The following ALKBH5 variants were observed in gnomAD, a reference collection of about 807,000 sequenced individuals.
ALKBH5 encodes RNA demethylase ALKBH5.
In ALKBH5, 2 loss-of-function variants were observed where a neutral mutation model predicts 32.1. The ratio of observed to expected loss-of-function variants is 0.06; its 90% CI spans 0.03 to 0.20. The LOEUF (loss-of-function observed/expected upper bound fraction) is 0.20, where lower values mean the gene tolerates loss of function less well. Ranked by LOEUF, ALKBH5 falls within the 10% of genes least tolerant of loss-of-function variation. The pLI is 1.00. For missense variants in ALKBH5, 352 were observed against 559.5 expected, an observed-to-expected ratio of 0.63 and a Z score of 3.74; for synonymous variants, 300 against 231.7, an observed-to-expected ratio of 1.29 and a Z score of -2.68.
intron 1 of ALKBH5, among the ~76,000 whole-genome samples, chr17:18,187,692 A>C (rs550512007): frequency 4.6e-5 from 7 of 152,138 alleles, no homozygotes; most frequent in Admixed American, 4.6e-4. Flanking sequence ...ACACCTGCCT[A>C]TTAGTAGTGC....
At chr17:18,204,579 T>C (rs1261324545) in intron 2 of ALKBH5, among the ~76,000 whole-genome samples, 2 of 151,866 alleles carry the variant, frequency 1.3e-5, no homozygotes, top group Non-Finnish European at 2.9e-5. Context: ...CTGGCTAACA[T>C]GGTGAAATGC....
rs1567678341 is a variant in ALKBH5, at chr17:18,208,880, G to T, written c.*484G>T. 8.0e-6 allele frequency: 2 copies of T among 248,502 alleles called. No individual in the cohort carries two copies. Among genetic ancestry groups the T allele is most frequent in the Non-Finnish European group, 1.6e-5 (2 of 125,430 alleles). 15.4% of individuals were successfully genotyped at this position (248,502 alleles called of 1,614,324 possible). A position where few individuals can be genotyped will look rare whatever the true frequency, so the allele number is the denominator to read the frequency against. On this transcript the variant is annotated 3_prime_UTR_variant, in exon 4 of 4. Transcript: ENST00000399138. Reference sequence around the variant, plus strand: ...CTCCTGGAGCCTCACAGGCTCTGCTGTTCTCCACTTCTCACCTGCCATCCA... The same window carrying T: ...CTCCTGGAGCCTCACAGGCTCTGCTTTTCTCCACTTCTCACCTGCCATCCA...
In ALKBH5 at chr17:18,207,013, G is replaced by A. The variant is rs1054546778; in HGVS notation, c.1007+43G>A. ...CTCAGCAAAGGCTGGCAAAGGCCTG[G>A]CTGCAGGGTGAGAAGGGTGGAGAAG... On this transcript the variant is annotated intron_variant, in intron 3 of 3. Coordinates refer to ENST00000399138, the MANE Select transcript of ALKBH5 (RefSeq NM_017758.4). 1.9e-6 allele frequency: 3 copies of A among 1,602,800 alleles called. No homozygotes were observed. In the African/African-American group the frequency reaches 4.0e-5, roughly 21 times the overall value.
intron 1 of ALKBH5, among the ~76,000 whole-genome samples, chr17:18,188,613 G>A (rs1243540664): frequency 6.6e-6 from 1 of 152,250 alleles, no homozygotes; most frequent in East Asian, 1.9e-4. Context: ...GATGAAGTCA[G>A]GGCTGTGCAC....
At chr17:18,196,248 T>C (rs1284762252) in intron 2 of ALKBH5, among the ~76,000 whole-genome samples, 2 of 150,752 alleles carry the variant, frequency 1.3e-5, no homozygotes, top group African/African-American at 4.9e-5. Flanking sequence ...GGTCTCACTC[T>C]GTCGCCTAGG....
intron 2 of ALKBH5, among the ~76,000 whole-genome samples, chr17:18,201,582 AC>A (rs2047236314): frequency 6.6e-6 from 1 of 151,926 alleles, no homozygotes; most frequent in Non-Finnish European, 1.5e-5. Flanking sequence ...ACATGGTGAA[AC>A]CCCATCTCTA....
intron 2 of ALKBH5, among the ~76,000 whole-genome samples, chr17:18,196,401 G>A (rs1028655453): frequency 6.6e-6 from 1 of 151,904 alleles, no homozygotes; most frequent in African/African-American, 2.4e-5. Flanking sequence ...TTATTTTTTC[G>A]TACAGATGGG....
At chr17:18,191,027 C>G (rs2047171233) in intron 1 of ALKBH5, among the ~76,000 whole-genome samples, 1 of 152,200 alleles carries the variant, frequency 6.6e-6, no homozygotes, top group Non-Finnish European at 1.5e-5. Context: ...CTTCTCCTTT[C>G]CCTGTGAAAA....
rs753325585 is a variant in ALKBH5 at position 18,195,021 on chromosome 17, C to T, written c.837C>T (p.Val279=). 2 of 1,613,462 alleles carry T rather than the reference C, an allele frequency of 1.2e-6. No individual in the cohort carries two copies. The highest frequency in any genetic ancestry group is 3.3e-5 in the Admixed American group (2 of 59,994). Residue 279 remains valine, a synonymous_variant, in exon 2 of 4, where the codon GTC becomes GTT. Coordinates refer to ENST00000399138, the MANE Select transcript of ALKBH5 (RefSeq NM_017758.4). ...AGGACATCAAGGAGCGCCGAGCAGT[C>T]ATCATCCTCAGGAAGTAAGTGCCTT... ...RPQDIKERRA[V]IILRKTRLDA...
chr17:18,184,127 T>G lies in ALKBH5; in HGVS notation c.-117T>G. 1.1e-6 allele frequency: 1 copy of G among 928,712 alleles called. No homozygotes were observed. The highest frequency in any genetic ancestry group is 1.6e-6 in the Non-Finnish European group (1 of 617,706). The allele number at this position is 928,712 out of a possible 1,614,324, so 57.5% of individuals were successfully genotyped here. On this transcript the variant is annotated 5_prime_UTR_variant, in exon 1 of 4. It removes an upstream start codon present in the reference 5' UTR. Transcript: ENST00000399138. The stretch of plus-strand genomic sequence containing the variant: ...CCCCGCCGGGTCCCCCACTCACGCA[T>G]GGGGGTTCGGCGCTAAGGACCCCCC...
Position 18,206,973 on chromosome 17 carries a change from A to T in ALKBH5, c.1007+3A>T. 6.2e-7 allele frequency: 1 copy of T among 1,614,030 alleles called. No homozygotes were observed. The highest frequency in any genetic ancestry group is 8.5e-7 in the Non-Finnish European group (1 of 1,179,928). ...GCAGACCCTGATGCTGCCCACAGGT[A>T]CTCAGTTTAGGACCCTCAGCAAAGG... On this transcript the variant is annotated splice_donor_region_variant and intron_variant, in intron 3 of 3. Transcript: ENST00000399138.
intron 1 of ALKBH5, 36 bp from the exon 2 acceptor site, chr17:18,194,919 A>G (rs769093241): frequency 2.2e-5 from 36 of 1,604,156 alleles, no homozygotes; most frequent in South Asian, 6.6e-5. Flanking sequence ...TTGTCTGTCT[A>G]CTCTTCATGG....
intron 1 of ALKBH5, 112 bp downstream of exon 1, chr17:18,185,125 T>C: frequency 6.7e-7 from 1 of 1,488,172 alleles, no homozygotes; most frequent in Admixed American, 2.3e-5. Context: ...TCTGACCAGT[T>C]CTTCTGTTTG....
In ALKBH5 at chr17:18,184,128, G is replaced by A; in HGVS notation, c.-116G>A. On this transcript the variant is annotated 5_prime_UTR_variant, in exon 1 of 4. It removes an upstream start codon present in the reference 5' UTR. Coordinates refer to ENST00000399138, the MANE Select transcript of ALKBH5 (RefSeq NM_017758.4). Reference sequence around the variant, plus strand: ...CCCGCCGGGTCCCCCACTCACGCATGGGGGTTCGGCGCTAAGGACCCCCCT... The same window carrying A: ...CCCGCCGGGTCCCCCACTCACGCATAGGGGTTCGGCGCTAAGGACCCCCCT... The A allele has an allele frequency of 1.1e-6, 1 of 946,866 alleles. No homozygotes were observed. The highest frequency in any genetic ancestry group is 1.6e-6 in the Non-Finnish European group (1 of 634,320). The allele number at this position is 946,866 out of a possible 1,614,324, so 58.7% of individuals were successfully genotyped here.
Position 18,184,064 on chromosome 17 carries a change from C to T in ALKBH5, c.-180C>T. The T allele has an allele frequency of 2.9e-6, 2 of 683,782 alleles. No homozygotes were observed. The highest frequency in any genetic ancestry group is 3.0e-5 in the East Asian group (1 of 33,830). The allele number at this position is 683,782 out of a possible 1,614,324, so 42.4% of individuals were successfully genotyped here. A position where few individuals can be genotyped will look rare whatever the true frequency, so the allele number is the denominator to read the frequency against. On this transcript the variant is annotated 5_prime_UTR_variant, in exon 1 of 4. Coordinates refer to ENST00000399138, the MANE Select transcript of ALKBH5 (RefSeq NM_017758.4). ...GTCGCCACCGTTGCATGACCCGCCG[C>T]TCCTGAGGCCCTACCCCACGCCCGG...
chr17:18,207,061 C>A, intron 3 of ALKBH5, 91 bp downstream of exon 3: 2 of 1,489,278 alleles, frequency 1.3e-6, no homozygotes, highest in Non-Finnish European at 1.8e-6. Context: ...TGTTTAGGAG[C>A]CTTGGCTTGC....
At chr17:18,185,628 A>G (rs1347218884) in intron 1 of ALKBH5, among the ~76,000 whole-genome samples, 5 of 152,232 alleles carry the variant, frequency 3.3e-5, no homozygotes, top group African/African-American at 1.2e-4. Context: ...AGAGCCCATC[A>G]GTTCTTTGTA....
intron 2 of ALKBH5, among the ~76,000 whole-genome samples, chr17:18,204,215 G>A (rs979548134): frequency 1.3e-5 from 2 of 152,192 alleles, no homozygotes; most frequent in Non-Finnish European, 2.9e-5. Flanking sequence ...ACTTTGGGAA[G>A]CCAGGACGGG....
At chr17:18,190,834 G>A (rs1288261217) in intron 1 of ALKBH5, among the ~76,000 whole-genome samples, 3 of 152,316 alleles carry the variant, frequency 2.0e-5, no homozygotes, top group Admixed American at 1.3e-4. Flanking sequence ...AACCCAGCCT[G>A]GGCAGTCAGG....
Sources: gnomAD v4.1 joint callset for allele counts (sites outside exome capture counted in the v4.1 genomes callset) on GRCh38, gnomAD v4.1.1 for gene constraint, MANE v1.5 for transcripts, NCBI Gene and HGNC (gene_info 2026-07-23, HGNC 2026-07-21) for gene names.